AKR1C8: variants seen among roughly 807,000 people sequenced by gnomAD.
AKR1C8 encodes the protein aldo-keto reductase family 1 member C-like protein 1.
At chr10:5,157,482 G>A in the AKR1C8 span, among the ~76,000 whole-genome samples, 2 of 152,170 alleles carry the variant, frequency 1.3e-5, no homozygotes, top group African/African-American at 2.4e-5. Context: ...TGAGTTCAGT[G>A]CCCTCTCGTC....
At chr10:5,120,696 G>T in the AKR1C8 span, among the ~76,000 whole-genome samples, 11,802 of 151,962 alleles carry the variant, frequency 0.078, 530 homozygotes, top group African/African-American at 0.11. Flanking sequence ...ATTTTTGTTC[G>T]TTCAAAAATG....
the AKR1C8 span, among the ~76,000 whole-genome samples, chr10:5,116,918 A>G: frequency 3.9e-5 from 6 of 152,228 alleles, no homozygotes; most frequent in African/African-American, 1.2e-4. Flanking sequence ...TGATGTTAAC[A>G]TCATTTTCCC....
At chr10:5,163,031 G>A in the AKR1C8 span, 3 of 525,680 alleles carry the variant, frequency 5.7e-6, no homozygotes, top group Non-Finnish European at 1.2e-5. Flanking sequence ...CTATAAGACA[G>A]GAGTAAAGAG....
the AKR1C8 span, chr10:5,162,740 CT>C: frequency 2.7e-6 from 1 of 369,562 alleles, no homozygotes. Flanking sequence ...TATAATATGC[CT>C]TCATAATATT....
chr10:5,161,503 C>A, the AKR1C8 span, among the ~76,000 whole-genome samples: 1 of 152,132 alleles, frequency 6.6e-6, no homozygotes, highest in Non-Finnish European at 1.5e-5. Context: ...TGTATCTCTG[C>A]AGTCTGTGGT....
At chr10:5,124,702 T>C in the AKR1C8 span, among the ~76,000 whole-genome samples, 2 of 152,174 alleles carry the variant, frequency 1.3e-5, no homozygotes, top group East Asian at 3.8e-4. Flanking sequence ...AAATATGTTG[T>C]GGAATATAAC....
chr10:5,170,052 T>C, the AKR1C8 span, among the ~76,000 whole-genome samples: 7 of 152,136 alleles, frequency 4.6e-5, no homozygotes, highest in African/African-American at 7.2e-5. Flanking sequence ...CTGGGTTCCA[T>C]GGACTCACTA....
At chr10:5,172,710 G>T in the AKR1C8 span, among the ~76,000 whole-genome samples, 1 of 152,084 alleles carries the variant, frequency 6.6e-6, no homozygotes, top group Non-Finnish European at 1.5e-5. Flanking sequence ...TAATTTTACT[G>T]TACTGGTAAG....
chr10:5,178,464 T>G, the AKR1C8 span, among the ~76,000 whole-genome samples: 19,411 of 152,034 alleles, frequency 0.13, 1,498 homozygotes, highest in Admixed American at 0.17. Flanking sequence ...CTGTTGATTT[T>G]GGGTGGAGAG....
the AKR1C8 span, among the ~76,000 whole-genome samples, chr10:5,184,157 G>C: frequency 3.7e-4 from 56 of 152,238 alleles, no homozygotes; most frequent in Non-Finnish European, 7.1e-4. Flanking sequence ...AGGACAAGCT[G>C]AGTTACACTT....
At chr10:5,145,564 A>T in the AKR1C8 span, among the ~76,000 whole-genome samples, 1 of 152,246 alleles carries the variant, frequency 6.6e-6, no homozygotes, top group African/African-American at 2.4e-5. Flanking sequence ...TCTCAAAAGA[A>T]GACATTTATG....
chr10:5,165,852 G>A, the AKR1C8 span, among the ~76,000 whole-genome samples: 11 of 152,144 alleles, frequency 7.2e-5, no homozygotes, highest in African/African-American at 2.2e-4. Context: ...GGAGGCTTAT[G>A]ATCTAAGAAA....
chr10:5,152,013 C>G, the AKR1C8 span, among the ~76,000 whole-genome samples: 1 of 152,080 alleles, frequency 6.6e-6, no homozygotes, highest in Non-Finnish European at 1.5e-5. Flanking sequence ...GGCTGGGATT[C>G]TAAGGTTTGC....
At chr10:5,152,241 C>G in the AKR1C8 span, among the ~76,000 whole-genome samples, 2 of 152,148 alleles carry the variant, frequency 1.3e-5, no homozygotes, top group African/African-American at 4.8e-5. Flanking sequence ...CAACTAACAA[C>G]AGGTGTGCTA....
At chr10:5,157,483 C>T in the AKR1C8 span, among the ~76,000 whole-genome samples, 1 of 152,170 alleles carries the variant, frequency 6.6e-6, no homozygotes, top group Non-Finnish European at 1.5e-5. Context: ...GAGTTCAGTG[C>T]CCTCTCGTCG....
At chr10:5,157,616 G>A in the AKR1C8 span, 2 of 467,672 alleles carry the variant, frequency 4.3e-6, no homozygotes, top group African/African-American at 2.0e-5. Flanking sequence ...ACTCTGGAGC[G>A]ACTCTGCTCA....
chr10:5,178,573 A>G, the AKR1C8 span, among the ~76,000 whole-genome samples: 3 of 152,198 alleles, frequency 2.0e-5, no homozygotes, highest in Admixed American at 2.0e-4. Context: ...TAATGTTGAC[A>G]GTGGGGTGTT....
the AKR1C8 span, among the ~76,000 whole-genome samples, chr10:5,143,883 T>C: frequency 9.2e-5 from 14 of 152,022 alleles, no homozygotes; most frequent in Non-Finnish European, 5.9e-5. Flanking sequence ...ATGACCACTC[T>C]AATCTAACCA....
At chr10:5,178,719 C>T in the AKR1C8 span, among the ~76,000 whole-genome samples, 1 of 152,114 alleles carries the variant, frequency 6.6e-6, no homozygotes, top group Admixed American at 6.5e-5. Context: ...GAATTGATCC[C>T]TTTACCATTA....
Sources: allele counts gnomAD v4.1 joint callset (sites outside exome capture counted in the v4.1 genomes callset), GRCh38; gene constraint gnomAD v4.1.1; transcripts MANE v1.5; gene names NCBI Gene and HGNC (gene_info 2026-07-23, HGNC 2026-07-21).